DENND5B: variants seen among roughly 807,000 people sequenced by gnomAD.
DENND5B encodes DENN domain-containing protein 5B.
A neutral mutation model predicts 140.6 loss-of-function variants in DENND5B; 34 were observed. That is an observed-to-expected ratio of 0.24 (90% CI 0.18 to 0.32). DENND5B has a LOEUF of 0.32. Ranked by LOEUF, DENND5B falls within the 10% of genes least tolerant of loss-of-function variation. The pLI is 1.00. For synonymous variants in DENND5B, 551 were observed against 562.1 expected (o/e 0.98, Z 0.28); for missense variants, 1,142 against 1,560.2 (o/e 0.73, Z 4.52).
At position 31,398,355 on chromosome 12, in the gene DENND5B, A is replaced by G. The variant is rs1470489553; in HGVS notation, c.3076T>C (p.Cys1026Arg). The change falls in exon 17 of 21, where the codon TGT becomes CGT. Residue 1026 changes from cysteine to arginine, a missense_variant. Physicochemically the swap from Cys to Arg is radical, Grantham distance 180. Transcript: ENST00000389082. ...ATGCCTTTCCCCAGCCACCGCCCAC[A>G]TGGGAATCTGGTAGGACAGAAAACA... ...EITGHTYRFP[C>R]GRWLGKGIDD... 1 of 1,543,702 alleles carries G rather than the reference A, an allele frequency of 6.5e-7. No homozygotes were observed. The highest frequency in any genetic ancestry group is 2.4e-5 in the East Asian group (1 of 40,914).
At position 31,387,385 on chromosome 12, in the gene DENND5B, A is replaced by T; in HGVS notation, c.*218T>A. The T allele has an allele frequency of 2.3e-6, 1 of 426,140 alleles. No homozygotes were observed. Among genetic ancestry groups the T allele is most frequent in the Admixed American group, 4.1e-5 (1 of 24,572 alleles). The allele number at this position is 426,140 out of a possible 1,614,324, so 26.4% of individuals were successfully genotyped here. A position where few individuals can be genotyped will look rare whatever the true frequency, so the allele number is the denominator to read the frequency against. ...TTCTTAAAGAAGATAGCATATTTAC[A>T]CACATCTAACACATGAAAATACTCT... On this transcript the variant is annotated 3_prime_UTR_variant, in exon 21 of 21. Coordinates refer to ENST00000389082, the MANE Select transcript of DENND5B (RefSeq NM_144973.4).
chr12:31,508,117 C>T (rs1218001806), intron 1 of DENND5B, among the ~76,000 whole-genome samples: 4 of 152,104 alleles, frequency 2.6e-5, no homozygotes, highest in South Asian at 2.1e-4. Context: ...AAGAAAGTAA[C>T]TCAACATTAA....
At chr12:31,451,385 G>A (rs939820150) in intron 5 of DENND5B, among the ~76,000 whole-genome samples, 6 of 152,012 alleles carry the variant, frequency 3.9e-5, no homozygotes, top group Admixed American at 6.6e-5. Flanking sequence ...GTACAGTGGC[G>A]CTATCTTGGC....
intron 3 of DENND5B, among the ~76,000 whole-genome samples, chr12:31,473,425 C>CAG (rs1270111576): frequency 6.6e-6 from 1 of 152,180 alleles, no homozygotes; most frequent in Non-Finnish European, 1.5e-5. Context: ...TACAGTAAAA[C>CAG]AGAGGGCACA....
chr12:31,460,608 CTT>C (rs63407661), intron 3 of DENND5B, among the ~76,000 whole-genome samples: 11,858 of 152,184 alleles, frequency 0.078, 1,052 homozygotes, highest in African/African-American at 0.22. Context: ...ACATCACACT[CTT>C]TGCTTCTTAA....
At chr12:31,440,669 G>A (rs1029553521) in intron 7 of DENND5B, among the ~76,000 whole-genome samples, 4 of 151,970 alleles carry the variant, frequency 2.6e-5, no homozygotes, top group South Asian at 2.1e-4. Flanking sequence ...AGGGTTTTTT[G>A]TTTTTTTGAA....
chr12:31,555,497 G>A (rs1277288172), intron 1 of DENND5B, among the ~76,000 whole-genome samples: 1 of 152,192 alleles, frequency 6.6e-6, no homozygotes, highest in East Asian at 1.9e-4. Flanking sequence ...GCTACTCGGG[G>A]GTCAGGGACC....
chr12:31,423,981 G>A (rs1030407083), intron 10 of DENND5B, among the ~76,000 whole-genome samples: 1 of 152,148 alleles, frequency 6.6e-6, no homozygotes, highest in African/African-American at 2.4e-5. Flanking sequence ...CTGTCTACAT[G>A]GGCTACATTA....
At position 31,387,485 on chromosome 12, in the gene DENND5B, C is replaced by CATTT; in HGVS notation, c.*117_*118insAAAT. 1 of 1,028,778 alleles carries CATTT rather than the reference C, an allele frequency of 9.7e-7. No individual in the cohort carries two copies. Among genetic ancestry groups the CATTT allele is most frequent in the Non-Finnish European group, 1.4e-6 (1 of 708,222 alleles). The allele number at this position is 1,028,778 out of a possible 1,614,324, so 63.7% of individuals were successfully genotyped here. ...CTTGTCTGTAGAGTGAGGATTGTTC[C>CATTT]AAATGGGGCATATGTTTGGCTGCCC... On this transcript the variant is annotated 3_prime_UTR_variant, in exon 21 of 21. Coordinates refer to ENST00000389082, the MANE Select transcript of DENND5B (RefSeq NM_144973.4).
chr12:31,582,714 G>C (rs1276008326), intron 1 of DENND5B, among the ~76,000 whole-genome samples: 2 of 152,176 alleles, frequency 1.3e-5, no homozygotes, highest in East Asian at 1.9e-4. Context: ...GGTCATAAAG[G>C]CCTGCCCGAT....
chr12:31,494,181 T>TATCTATCTATCTATCCATCC (rs1268264034), intron 2 of DENND5B, among the ~76,000 whole-genome samples: 2 of 85,778 alleles, frequency 2.3e-5, no homozygotes, highest in African/African-American at 9.2e-5. Context: ...TCTATCTATC[T>TATCTATCTATCTATCCATCC]ATCCATCCAT....
chr12:31,579,676 G>A (rs1950145795), intron 1 of DENND5B, among the ~76,000 whole-genome samples: 1 of 144,982 alleles, frequency 6.9e-6, no homozygotes, highest in Non-Finnish European at 1.5e-5. Flanking sequence ...GAGACACAGC[G>A]AGATTCTGAG....
chr12:31,402,708 T>A, intron 14 of DENND5B, 65 bp from the exon 15 acceptor site: 1 of 1,497,720 alleles, frequency 6.7e-7, no homozygotes, highest in Non-Finnish European at 8.9e-7. Flanking sequence ...ACAAAACATA[T>A]ATTAAGAACT....
chr12:31,394,216 G>A (rs1941310972), intron 17 of DENND5B, among the ~76,000 whole-genome samples: 1 of 151,670 alleles, frequency 6.6e-6, no homozygotes, highest in African/African-American at 2.4e-5. Context: ...AAAGAGCTTT[G>A]ATCAGTATTA....
intron 1 of DENND5B, among the ~76,000 whole-genome samples, chr12:31,520,595 CAGT>C (rs1947838510): frequency 6.6e-6 from 1 of 152,024 alleles, no homozygotes. Context: ...GGCTGGAGTA[CAGT>C]GGTGTGATCT....
intron 3 of DENND5B, among the ~76,000 whole-genome samples, chr12:31,478,965 A>G (rs948516112): frequency 4.6e-5 from 7 of 152,076 alleles, no homozygotes; most frequent in Admixed American, 1.3e-4. Context: ...TACCACAAAG[A>G]TAACTTCCTT....
intron 1 of DENND5B, among the ~76,000 whole-genome samples, chr12:31,539,721 A>G (rs1255394075): frequency 6.6e-6 from 1 of 152,122 alleles, no homozygotes; most frequent in Non-Finnish European, 1.5e-5. Context: ...GGTATAGAAG[A>G]AACATATCTT....
In DENND5B at chr12:31,507,457, G is replaced by C. The variant is rs188166023; in HGVS notation, c.128-11538C>G. ...GCCAAATTATTATACGACAGTTTTA[G>C]GTGCTGTGCAGCTTACCACCAATCA... On this transcript the variant is annotated intron_variant, in intron 1 of 20. Transcript: ENST00000389082. Among the ~76,000 whole-genome samples, 416 of 152,236 alleles carry C rather than the reference G, an allele frequency of 2.7e-3. 4 individuals are homozygous for C. Among genetic ancestry groups the C allele is most frequent in the African/African-American group, 9.5e-3 (395 of 41,538 alleles).
At chr12:31,571,190 G>A (rs1949810216) in intron 1 of DENND5B, among the ~76,000 whole-genome samples, 1 of 152,182 alleles carries the variant, frequency 6.6e-6, no homozygotes, top group African/African-American at 2.4e-5. Flanking sequence ...CCTGCAGGGA[G>A]ACAACCAGAT....
Sources: gnomAD v4.1 joint callset for allele counts (sites outside exome capture counted in the v4.1 genomes callset) on GRCh38, gnomAD v4.1.1 for gene constraint, MANE v1.5 for transcripts, NCBI Gene and HGNC (gene_info 2026-07-23, HGNC 2026-07-21) for gene names.